Variants in SORCS1 observed in about 807,000 individuals in gnomAD.
The protein encoded by SORCS1 is VPS10 domain-containing receptor SorCS1.
SORCS1 carries 60 observed loss-of-function variants against 146.1 expected under a neutral mutation model. The ratio of observed to expected loss-of-function variants is 0.41; its 90% CI spans 0.33 to 0.51. SORCS1 has a LOEUF of 0.51. Among genes scored for constraint, SORCS1 ranks in the 20% least tolerant of loss-of-function variants. SORCS1 has a pLI of 0.21. For synonymous variants in SORCS1, 637 were observed against 584.0 expected, an observed-to-expected ratio of 1.09 and a Z score of -1.31; for missense variants, 1,352 against 1,487.6, an observed-to-expected ratio of 0.91 and a Z score of 1.50.
chr10:107,157,835 T>A (rs1310081733), intron 1 of SORCS1, among the ~76,000 whole-genome samples: 1 of 152,184 alleles, frequency 6.6e-6, no homozygotes, highest in African/African-American at 2.4e-5. Context: ...TGGCCTCACC[T>A]CGCAATGAAC....
At position 106,650,873 on chromosome 10, in the gene SORCS1, TTTC is replaced by T. The variant is rs571121708; in HGVS notation, c.2475+1506_2475+1508del. Among the ~76,000 whole-genome samples the T allele has an allele frequency of 1.9e-3, 295 of 152,248 alleles. 2 individuals are homozygous for T. The highest frequency in any genetic ancestry group is 6.8e-3 in the African/African-American group (282 of 41,548). On this transcript the variant is annotated intron_variant, in intron 18 of 25. Transcript: ENST00000263054. Reference sequence around the variant, plus strand: ...AGTCCTCCTTTTCCTCCTCTTCATTTTTCTTCTTCTTCTCTCTCTCTCTGTCCC... The same window carrying T: ...AGTCCTCCTTTTCCTCCTCTTCATTTTTCTTCTTCTCTCTCTCTCTGTCCC...
chr10:106,837,687 T>C (rs914725356), intron 2 of SORCS1, among the ~76,000 whole-genome samples: 23 of 151,668 alleles, frequency 1.5e-4, no homozygotes, highest in African/African-American at 5.6e-4. Flanking sequence ...TGTCACCTAA[T>C]AGGATTGCAA....
chr10:107,067,475 C>G (rs1415223201), intron 1 of SORCS1, among the ~76,000 whole-genome samples: 2 of 152,118 alleles, frequency 1.3e-5, no homozygotes, highest in Non-Finnish European at 2.9e-5. Context: ...TAGTTGAGAA[C>G]TCCAAAACAT....
intron 3 of SORCS1, among the ~76,000 whole-genome samples, chr10:106,805,195 A>C (rs1472677987): frequency 1.3e-5 from 2 of 152,178 alleles, no homozygotes; most frequent in East Asian, 3.8e-4. Flanking sequence ...ATTAAACTAA[A>C]ATGGTGTTTA....
chr10:106,685,493 G>A (rs1852763063), intron 10 of SORCS1, among the ~76,000 whole-genome samples: 1 of 152,216 alleles, frequency 6.6e-6, no homozygotes, highest in South Asian at 2.1e-4. Context: ...AACTTTAGGG[G>A]ATGCTCAAGA....
At chr10:107,157,958 A>G (rs1416406051) in intron 1 of SORCS1, among the ~76,000 whole-genome samples, 1 of 152,256 alleles carries the variant, frequency 6.6e-6, no homozygotes, top group Non-Finnish European at 1.5e-5. Context: ...AATAAGGGAC[A>G]GTAATTAAGA....
chr10:106,679,883 C>A (rs929923281), intron 10 of SORCS1, 149 bp from the exon 11 acceptor site: 3 of 598,844 alleles, frequency 5.0e-6, no homozygotes, highest in African/African-American at 1.9e-5. Context: ...CTATACCTAC[C>A]CAACATCTTC....
intron 5 of SORCS1, among the ~76,000 whole-genome samples, chr10:106,756,488 G>A (rs1418178239): frequency 6.6e-6 from 1 of 152,188 alleles, no homozygotes; most frequent in African/African-American, 2.4e-5. Context: ...TGACCTGCAA[G>A]TTGTACTGCC....
intron 18 of SORCS1, among the ~76,000 whole-genome samples, chr10:106,632,837 A>G (rs1412037358): frequency 1.3e-5 from 2 of 152,194 alleles, no homozygotes; most frequent in Non-Finnish European, 2.9e-5. Flanking sequence ...AACTTCAAAG[A>G]AGGCTTCCAA....
Position 106,960,032 on chromosome 10 carries a change from C to T in SORCS1, c.559-3452G>A, listed in dbSNP as rs1374228859. ...CCCCCACACAAAGTGGCATATCCAT[C>T]AGCACCCCATTTATTTCTGTATCTT... is the stretch of plus-strand genomic sequence containing the variant. On this transcript the variant is annotated intron_variant, in intron 1 of 25. Coordinates refer to ENST00000263054, the MANE Select transcript of SORCS1 (RefSeq NM_052918.5). The surrounding 1 kb of genome is among the most constrained non-coding windows in gnomAD (Gnocchi z 4.4). Among the ~76,000 whole-genome samples the T allele has an allele frequency of 1.3e-5, 2 of 152,174 alleles. No individual in the cohort carries two copies. The highest frequency in any genetic ancestry group is 2.9e-5 in the Non-Finnish European group (2 of 68,028).
chr10:107,143,782 G>A (rs967533944), intron 1 of SORCS1, among the ~76,000 whole-genome samples: 2 of 152,024 alleles, frequency 1.3e-5, no homozygotes, highest in African/African-American at 4.8e-5. Flanking sequence ...GGGATTATGG[G>A]TGTGAGCCAC....
At chr10:106,754,358 C>T (rs1189562855) in intron 5 of SORCS1, among the ~76,000 whole-genome samples, 3 of 152,156 alleles carry the variant, frequency 2.0e-5, no homozygotes, top group Non-Finnish European at 4.4e-5. Flanking sequence ...AGATCAAGCT[C>T]TTATGCCTTT....
intron 2 of SORCS1, among the ~76,000 whole-genome samples, chr10:106,853,388 A>G (rs1215527235): frequency 7.8e-6 from 1 of 128,574 alleles, no homozygotes; most frequent in African/African-American, 2.8e-5. Context: ...AGGCTTATCC[A>G]TTTTCTTGAT....
chr10:106,805,304 G>A (rs1947107883), intron 3 of SORCS1, among the ~76,000 whole-genome samples: 1 of 152,146 alleles, frequency 6.6e-6, no homozygotes, highest in Non-Finnish European at 1.5e-5. Context: ...GATTTGAAAG[G>A]ATTAACTTAC....
chr10:106,807,017 T>A (rs1947223280), intron 3 of SORCS1, among the ~76,000 whole-genome samples: 1 of 152,318 alleles, frequency 6.6e-6, no homozygotes, highest in South Asian at 2.1e-4. Flanking sequence ...ATGTTCACCA[T>A]CCTACTTCTC....
At chr10:106,807,321 C>G (rs1223465522) in intron 3 of SORCS1, among the ~76,000 whole-genome samples, 1 of 152,130 alleles carries the variant, frequency 6.6e-6, no homozygotes, top group African/African-American at 2.4e-5. Context: ...GAATGGTAAA[C>G]TGTCTTTTTT....
At chr10:106,794,417 G>A (rs549510052) in intron 3 of SORCS1, among the ~76,000 whole-genome samples, 7 of 152,116 alleles carry the variant, frequency 4.6e-5, no homozygotes, top group South Asian at 2.1e-4. Flanking sequence ...CAGATTTAGC[G>A]GGCAGAGAGC....
At position 106,630,358 on chromosome 10, in the gene SORCS1, G is replaced by A. The variant is rs77358034; in HGVS notation, c.2476-970C>T. Among the ~76,000 whole-genome samples the A allele has an allele frequency of 5.9e-3, 895 of 152,272 alleles. 10 individuals carry two copies. The highest frequency in any genetic ancestry group is 0.02 in the African/African-American group (847 of 41,544). On this transcript the variant is annotated intron_variant, in intron 18 of 25. Coordinates refer to ENST00000263054, the MANE Select transcript of SORCS1 (RefSeq NM_052918.5). ...TAGTCTAGTCTGGAGAGAGGAGTAGGCAATCTTCTCCCACTTTACAGAGGA... is the reference window on the plus strand; with the variant it reads ...TAGTCTAGTCTGGAGAGAGGAGTAGACAATCTTCTCCCACTTTACAGAGGA...
At chr10:106,729,075 G>C (rs77605417) in intron 6 of SORCS1, among the ~76,000 whole-genome samples, 2,497 of 152,296 alleles carry the variant, frequency 0.016, 75 homozygotes, top group African/African-American at 0.058. Flanking sequence ...CTCTGTACCA[G>C]AGAAGGGGAA....
Sources: gnomAD v4.1 joint callset for allele counts (sites outside exome capture counted in the v4.1 genomes callset) on GRCh38, gnomAD v4.1.1 for gene constraint, Gnocchi (gnomAD v3.1) non-coding constraint, MANE v1.5 for transcripts, NCBI Gene and HGNC (gene_info 2026-07-23, HGNC 2026-07-21) for gene names.